The following DPRX variants were observed in gnomAD, a reference collection of about 807,000 sequenced individuals.
DPRX encodes divergent paired-related homeobox.
In DPRX, 11 loss-of-function variants were observed where a neutral mutation model predicts 8.4. The observed-to-expected ratio is 1.31, with a 90% CI of 0.82 to 2.17. DPRX has a LOEUF of 2.17. Ranked by LOEUF, DPRX falls within the 30% of genes most tolerant of loss-of-function variation. DPRX has a pLI of 0.00. For synonymous variants in DPRX, 72 were observed against 87.0 expected, an observed-to-expected ratio of 0.83 and a Z score of 0.96; for missense variants, 211 against 236.7, an observed-to-expected ratio of 0.89 and a Z score of 0.71.
chr19:53,633,741 C>T (rs1160897679), intron 1 of DPRX, among the ~76,000 whole-genome samples: 1 of 152,102 alleles, frequency 6.6e-6, no homozygotes, highest in Non-Finnish European at 1.5e-5. Context: ...ATCTCTTGAC[C>T]TCATGATCCG....
the DPRX span, among the ~76,000 whole-genome samples, chr19:53,622,798 A>G: frequency 2.6e-5 from 4 of 152,122 alleles, no homozygotes; most frequent in Non-Finnish European, 5.9e-5. Context: ...TGGGGACTAG[A>G]AGCACAATTT....
At chr19:53,611,127 C>G in the DPRX span, among the ~76,000 whole-genome samples, 1 of 152,132 alleles carries the variant, frequency 6.6e-6, no homozygotes, top group African/African-American at 2.4e-5. Flanking sequence ...GTCTCAAACT[C>G]CTGACCTCAG....
the DPRX span, among the ~76,000 whole-genome samples, chr19:53,626,849 CCA>C: frequency 6.6e-6 from 1 of 152,070 alleles, no homozygotes; most frequent in Non-Finnish European, 1.5e-5. Context: ...TAGGCGCCTG[CCA>C]TCACGCCTGG....
At chr19:53,603,240 C>T in the DPRX span, 5 of 435,476 alleles carry the variant, frequency 1.1e-5, no homozygotes, top group Non-Finnish European at 1.9e-5. Context: ...CTAAGAAGGG[C>T]CACCACATCT....
At chr19:53,616,415 C>CTTTT in the DPRX span, among the ~76,000 whole-genome samples, 3 of 151,912 alleles carry the variant, frequency 2.0e-5, no homozygotes, top group Non-Finnish European at 2.9e-5. Flanking sequence ...GGTCAAACAC[C>CTTTT]TTTTTTCCAT....
At chr19:53,626,038 G>A in the DPRX span, among the ~76,000 whole-genome samples, 2 of 152,212 alleles carry the variant, frequency 1.3e-5, no homozygotes, top group East Asian at 3.9e-4. Context: ...CAAGGCTCAA[G>A]TGGTCCTCCC....
upstream of DPRX, among the ~76,000 whole-genome samples, chr19:53,631,772 AAAAAG>A (rs1464881223): frequency 1.3e-5 from 2 of 152,092 alleles, no homozygotes; most frequent in Non-Finnish European, 2.9e-5. Context: ...AGAAAAAGAA[AAAAAG>A]AAAAGAAATT....
chr19:53,610,727 G>A, the DPRX span, among the ~76,000 whole-genome samples: 4 of 152,112 alleles, frequency 2.6e-5, no homozygotes, highest in South Asian at 2.1e-4. Context: ...AAAACATTAC[G>A]AGTTTGTTTG....
the DPRX span, among the ~76,000 whole-genome samples, chr19:53,610,691 T>C: frequency 6.6e-6 from 1 of 152,174 alleles, no homozygotes; most frequent in South Asian, 2.1e-4. Flanking sequence ...TTGAATGTGG[T>C]CCCACACAAA....
the DPRX span, chr19:53,601,963 C>G: frequency 4.4e-6 from 2 of 452,524 alleles, no homozygotes; most frequent in Admixed American, 2.4e-5. Flanking sequence ...TCCACTGACT[C>G]AGGAGGGTGG....
the DPRX span, among the ~76,000 whole-genome samples, chr19:53,619,356 T>C: frequency 6.6e-6 from 1 of 151,800 alleles, no homozygotes; most frequent in Non-Finnish European, 1.5e-5. Flanking sequence ...CTGGCCAACA[T>C]AGTGAAACTC....
At chr19:53,632,245 G>A (rs1217065730) in intron 1 of DPRX, 111 bp downstream of exon 1, 11 of 1,400,140 alleles carry the variant, frequency 7.9e-6, no homozygotes, top group African/African-American at 4.3e-5. Context: ...CTTCGTCCAC[G>A]TGGGTGGCAG....
chr19:53,604,797 C>T, the DPRX span, among the ~76,000 whole-genome samples: 14 of 148,794 alleles, frequency 9.4e-5, no homozygotes, highest in Admixed American at 6.1e-4. Flanking sequence ...GAGCTGAGAT[C>T]GTGCCACTGC....
At chr19:53,602,768 T>C in the DPRX span, among the ~76,000 whole-genome samples, 1 of 150,878 alleles carries the variant, frequency 6.6e-6, no homozygotes, top group Non-Finnish European at 1.5e-5. Context: ...CTCCTGACCT[T>C]GTGATCCACT....
chr19:53,636,265 C>T (rs2091111516), intron 2 of DPRX, among the ~76,000 whole-genome samples: 1 of 151,894 alleles, frequency 6.6e-6, no homozygotes, highest in Non-Finnish European at 1.5e-5. Flanking sequence ...ACTCAGGAGG[C>T]TGAGGCAGAA....
chr19:53,632,983 T>A (rs1209750328), intron 1 of DPRX, among the ~76,000 whole-genome samples: 1 of 152,106 alleles, frequency 6.6e-6, no homozygotes, highest in Non-Finnish European at 1.5e-5. Flanking sequence ...CAAACCATTT[T>A]CAGGCATGAT....
chr19:53,613,859 T>C, the DPRX span, among the ~76,000 whole-genome samples: 1 of 151,840 alleles, frequency 6.6e-6, no homozygotes, highest in Non-Finnish European at 1.5e-5. Context: ...GATTGAGGAT[T>C]TTTTTTTCCT....
At chr19:53,618,044 A>G in the DPRX span, among the ~76,000 whole-genome samples, 1 of 151,886 alleles carries the variant, frequency 6.6e-6, no homozygotes, top group African/African-American at 2.4e-5. Context: ...TGGAAGGCTG[A>G]GGCAGGAGAA....
chr19:53,608,412 C>T, the DPRX span: 3 of 152,340 alleles, frequency 2.0e-5, no homozygotes, highest in Admixed American at 1.3e-4. Context: ...ACTTTGGAAC[C>T]CCAGGCTGAC....
Sources: allele counts gnomAD v4.1 joint callset (sites outside exome capture counted in the v4.1 genomes callset), GRCh38; gene constraint gnomAD v4.1.1; transcripts MANE v1.5; gene names NCBI Gene and HGNC (gene_info 2026-07-23, HGNC 2026-07-21).